SPAG16: variants seen among roughly 807,000 people sequenced by gnomAD.
SPAG16 encodes sperm-associated antigen 16 protein.
A neutral mutation model predicts 80.4 loss-of-function variants in SPAG16; 86 were observed. The observed-to-expected ratio is 1.07, with a 90% CI of 0.90 to 1.28. The LOEUF (loss-of-function observed/expected upper bound fraction) is 1.28. Among genes scored for constraint, SPAG16 ranks in the 50% most tolerant of loss-of-function variants. The pLI is 0.00. For synonymous variants in SPAG16, 294 were observed against 265.9 expected (o/e 1.11, Z -1.03); for missense variants, 870 against 765.3 (o/e 1.14, Z -1.61).
intron 10 of SPAG16, among the ~76,000 whole-genome samples, chr2:213,556,382 GT>G (rs2059426816): frequency 1.4e-5 from 2 of 147,522 alleles, no homozygotes; most frequent in African/African-American, 5.0e-5. Context: ...TAAAAACCAT[GT>G]ATAAAAGTGA....
intron 9 of SPAG16, among the ~76,000 whole-genome samples, chr2:213,406,153 TTGTTTTTTTGA>T (rs1253238141): frequency 1.3e-5 from 2 of 152,230 alleles, no homozygotes; most frequent in African/African-American, 4.8e-5. Context: ...TTCCAGAATT[TTGTTTTTTTGA>T]TGTATCATGA....
intron 13 of SPAG16, among the ~76,000 whole-genome samples, chr2:214,090,132 G>T (rs1480028237): frequency 1.3e-5 from 2 of 151,746 alleles, no homozygotes; most frequent in Non-Finnish European, 2.9e-5. Context: ...AAAAGCTTTT[G>T]CAAAAGAGAT....
chr2:213,573,604 C>G (rs2060007315), intron 10 of SPAG16, among the ~76,000 whole-genome samples: 1 of 152,100 alleles, frequency 6.6e-6, no homozygotes, highest in Admixed American at 6.6e-5. Context: ...TCTCACTGCT[C>G]TAATTGCTTT....
intron 10 of SPAG16, among the ~76,000 whole-genome samples, chr2:213,619,004 T>C (rs986813818): frequency 6.6e-6 from 1 of 152,238 alleles, no homozygotes; most frequent in Non-Finnish European, 1.5e-5. Context: ...CAAGTTTTAT[T>C]TTGTAAATAT....
chr2:214,205,974 T>G (rs2058133016), intron 15 of SPAG16, among the ~76,000 whole-genome samples: 1 of 152,052 alleles, frequency 6.6e-6, no homozygotes, highest in Non-Finnish European at 1.5e-5. Flanking sequence ...GTGGGCAGAT[T>G]ACGAGGTCAG....
chr2:213,586,860 G>A lies in SPAG16; in HGVS notation c.1070+96770G>A, dbSNP rs540142922. On this transcript the variant is annotated intron_variant, in intron 10 of 15. Transcript: ENST00000331683. ...ATCCAAGTAAGTCCAGAATAATAAA[G>A]CTTGAGAATAATCTTTGACTTGAGG... Among the ~76,000 whole-genome samples, 9 of 152,322 alleles carry A rather than the reference G, an allele frequency of 5.9e-5. 1 individual carries two copies. In the South Asian group the frequency reaches 1.9e-3, roughly 32 times the overall value.
intron 10 of SPAG16, among the ~76,000 whole-genome samples, chr2:213,666,366 A>G (rs1682091286): frequency 6.6e-6 from 1 of 152,140 alleles, no homozygotes; most frequent in Non-Finnish European, 1.5e-5. Flanking sequence ...TTACTGTGTA[A>G]TCTTCAGCTT....
intron 15 of SPAG16, among the ~76,000 whole-genome samples, chr2:214,349,166 C>T (rs984012941): frequency 7.9e-5 from 12 of 152,106 alleles, no homozygotes; most frequent in African/African-American, 2.9e-4. Flanking sequence ...TGTGTACATT[C>T]AAGGCCAAAT....
intron 15 of SPAG16, among the ~76,000 whole-genome samples, chr2:214,331,126 C>T (rs977333470): frequency 2.0e-5 from 3 of 152,064 alleles, no homozygotes; most frequent in East Asian, 3.9e-4. Flanking sequence ...CCTGGGGCTC[C>T]GGCAACTGGT....
intron 12 of SPAG16, among the ~76,000 whole-genome samples, chr2:213,997,865 A>G (rs183050311): frequency 4.5e-4 from 69 of 152,312 alleles, no homozygotes; most frequent in Non-Finnish European, 9.1e-4. Context: ...CTTGTTTTGT[A>G]ACAACACAGT....
chr2:214,403,207 G>C (rs189057483), intron 15 of SPAG16, among the ~76,000 whole-genome samples: 9 of 151,674 alleles, frequency 5.9e-5, no homozygotes. Context: ...GTAAAGCAGA[G>C]TATATGCTAG....
At chr2:214,020,835 C>A (rs1443486643) in intron 13 of SPAG16, among the ~76,000 whole-genome samples, 1 of 152,088 alleles carries the variant, frequency 6.6e-6, no homozygotes, top group Non-Finnish European at 1.5e-5. Flanking sequence ...GTGGAAAATT[C>A]TTTTTCTACA....
intron 14 of SPAG16, among the ~76,000 whole-genome samples, chr2:214,125,564 A>T (rs1337575466): frequency 6.6e-6 from 1 of 151,812 alleles, no homozygotes; most frequent in Non-Finnish European, 1.5e-5. Context: ...AAACAGAAGG[A>T]CAGTCTGTTA....
intron 15 of SPAG16, among the ~76,000 whole-genome samples, chr2:214,265,437 C>A (rs184246617): frequency 3.9e-5 from 6 of 152,136 alleles, no homozygotes; most frequent in Admixed American, 3.3e-4. Context: ...CTTTTGCACA[C>A]TTTTTAATTG....
At chr2:213,552,972 C>A (rs1007126088) in intron 10 of SPAG16, among the ~76,000 whole-genome samples, 1 of 152,186 alleles carries the variant, frequency 6.6e-6, no homozygotes, top group Non-Finnish European at 1.5e-5. Context: ...GGCCTTCAGC[C>A]ACAGACTGAA....
At chr2:213,742,419 T>C (rs1429267999) in intron 10 of SPAG16, among the ~76,000 whole-genome samples, 3 of 152,180 alleles carry the variant, frequency 2.0e-5, no homozygotes, top group Admixed American at 2.0e-4. Flanking sequence ...CATTATCTTA[T>C]TGTTCTGTTC....
intron 15 of SPAG16, among the ~76,000 whole-genome samples, chr2:214,387,086 CT>C (rs1191624926): frequency 6.6e-6 from 1 of 152,062 alleles, no homozygotes; most frequent in Non-Finnish European, 1.5e-5. Flanking sequence ...TCTGTTCAGT[CT>C]TTTTCCCTTC....
At chr2:214,295,442 G>A (rs1694066465) in intron 15 of SPAG16, among the ~76,000 whole-genome samples, 1 of 151,894 alleles carries the variant, frequency 6.6e-6, no homozygotes, top group Admixed American at 6.6e-5. Flanking sequence ...CCAACAATTG[G>A]TACTCAAGGA....
intron 9 of SPAG16, among the ~76,000 whole-genome samples, chr2:213,459,563 A>C (rs945050221): frequency 6.6e-6 from 1 of 152,222 alleles, no homozygotes. Flanking sequence ...TCAGAGTCTC[A>C]ATCCAAACCA....
Sources: gnomAD v4.1 joint callset for allele counts (sites outside exome capture counted in the v4.1 genomes callset) on GRCh38, gnomAD v4.1.1 for gene constraint, MANE v1.5 for transcripts, NCBI Gene and HGNC (gene_info 2026-07-23, HGNC 2026-07-21) for gene names.